ACYP2: variants seen among roughly 807,000 people sequenced by gnomAD.
The protein encoded by ACYP2 is acylphosphatase-2.
A neutral mutation model predicts 11.2 loss-of-function variants in ACYP2; 12 were observed. The ratio of observed to expected loss-of-function variants is 1.08; its 90% CI spans 0.69 to 1.74. The LOEUF is 1.74. Ranked by LOEUF, ACYP2 falls within the 40% of genes most tolerant of loss-of-function variation. The pLI, the probability that ACYP2 is intolerant of heterozygous loss-of-function variation, is 0.00. For synonymous variants in ACYP2, 43 were observed against 32.2 expected (o/e 1.33, Z -1.13); for missense variants, 134 against 101.9 (o/e 1.31, Z -1.35).
At chr2:54,000,506 GT>G (rs1236080259) in intron 2 of ACYP2, among the ~76,000 whole-genome samples, 1 of 152,188 alleles carries the variant, frequency 6.6e-6, no homozygotes, top group Non-Finnish European at 1.5e-5. Context: ...AGAAAAACCT[GT>G]GTCAGTCAGG....
intron 6 of ACYP2, among the ~76,000 whole-genome samples, chr2:54,295,480 T>C (rs1468925363): frequency 6.6e-6 from 1 of 152,186 alleles, no homozygotes; most frequent in South Asian, 2.1e-4. Context: ...AAAAGTAGCA[T>C]TCAGGGTTCC....
intron 6 of ACYP2, chr2:54,254,766 A>T (rs1687411144): frequency 1.4e-6 from 1 of 710,094 alleles, no homozygotes; most frequent in African/African-American, 1.8e-5. Flanking sequence ...CCAAGGTCTC[A>T]ATCTTCAGGT....
At chr2:54,090,718 C>T (rs775797661) in intron 4 of ACYP2, among the ~76,000 whole-genome samples, 8 of 152,100 alleles carry the variant, frequency 5.3e-5, no homozygotes, top group Non-Finnish European at 1.0e-4. Flanking sequence ...TACGCCTGGA[C>T]CGCTCTTCCT....
At chr2:54,031,527 G>C (rs1186108040) in intron 2 of ACYP2, among the ~76,000 whole-genome samples, 2 of 152,098 alleles carry the variant, frequency 1.3e-5, no homozygotes, top group Admixed American at 6.5e-5. Context: ...GTCTATCATT[G>C]ATGGACATTT....
Position 54,264,295 on chromosome 2 carries a change from A to T in ACYP2, c.405-40393A>T, listed in dbSNP as rs1687918049. 2.6e-5 allele frequency among the ~76,000 whole-genome samples: 4 copies of T among 152,172 alleles called. No homozygotes were observed. The South Asian group carries it at 8.3e-4, about 32-fold the overall frequency. On this transcript the variant is annotated intron_variant, in intron 6 of 6. Coordinates refer to ENST00000607452, the MANE Select transcript of ACYP2 (RefSeq NM_001320586.2). ...TGTGTTGTGAAGAGTGAAAGAACAA[A>T]GCTTCCACAGCGTGGAAGGCGACCC...
At chr2:54,079,199 G>T (rs570764641) in intron 4 of ACYP2, among the ~76,000 whole-genome samples, 1 of 152,102 alleles carries the variant, frequency 6.6e-6, no homozygotes, top group African/African-American at 2.4e-5. Flanking sequence ...GAATATCTAA[G>T]GTGTGCTCAT....
At position 54,275,809 on chromosome 2, in the gene ACYP2, G is replaced by C. The variant is rs1040602572; in HGVS notation, c.405-28879G>C. On this transcript the variant is annotated intron_variant, in intron 6 of 6. Coordinates refer to ENST00000607452, the MANE Select transcript of ACYP2 (RefSeq NM_001320586.2). The stretch of plus-strand genomic sequence containing the variant: ...TATAATGAACATCCAAGCCCTGCTT[G>C]ATTTGCCTAATGGACTATTTGATAA... 5.3e-5 allele frequency among the ~76,000 whole-genome samples: 8 copies of C among 152,142 alleles called. 1 individual carries two copies. The highest frequency in any genetic ancestry group is 5.2e-4 in the Admixed American group (8 of 15,270).
chr2:54,150,942 T>C (rs1325021705), intron 6 of ACYP2, among the ~76,000 whole-genome samples: 1 of 151,318 alleles, frequency 6.6e-6, no homozygotes, highest in Non-Finnish European at 1.5e-5. Flanking sequence ...GGGGTTTCAC[T>C]GTTTTAGCCA....
intron 4 of ACYP2, among the ~76,000 whole-genome samples, chr2:54,103,418 G>A (rs1679003819): frequency 3.3e-5 from 5 of 152,032 alleles, no homozygotes. Flanking sequence ...CTTAACCTTG[G>A]TCTTAATTCC....
At chr2:54,073,505 A>G (rs1272182349) in intron 4 of ACYP2, among the ~76,000 whole-genome samples, 4 of 152,258 alleles carry the variant, frequency 2.6e-5, no homozygotes, top group Non-Finnish European at 5.9e-5. Flanking sequence ...CAAAAACACA[A>G]GCAACAAAAG....
At chr2:54,151,629 A>T (rs1478593712) in intron 6 of ACYP2, among the ~76,000 whole-genome samples, 1 of 152,224 alleles carries the variant, frequency 6.6e-6, no homozygotes, top group Non-Finnish European at 1.5e-5. Flanking sequence ...GAAAACTAGG[A>T]ACATGAAAAA....
intron 6 of ACYP2, among the ~76,000 whole-genome samples, chr2:54,190,086 T>C (rs1446893096): frequency 6.6e-6 from 1 of 152,226 alleles, no homozygotes; most frequent in Non-Finnish European, 1.5e-5. Flanking sequence ...TTGTATGAGT[T>C]CTTTATAAAT....
intron 6 of ACYP2, among the ~76,000 whole-genome samples, chr2:54,262,169 G>T (rs2104046826): frequency 6.6e-6 from 1 of 152,326 alleles, no homozygotes. Context: ...TCAGCCAGGG[G>T]TGAGCAGAGC....
At chr2:54,141,974 C>A in intron 6 of ACYP2, 4 of 525,090 alleles carry the variant, frequency 7.6e-6, no homozygotes, top group African/African-American at 5.8e-5. Flanking sequence ...AGTGCACATG[C>A]TGGCTAATTT....
chr2:54,120,917 C>G (rs1033019718), intron 4 of ACYP2, among the ~76,000 whole-genome samples: 2 of 152,210 alleles, frequency 1.3e-5, no homozygotes, highest in East Asian at 3.9e-4. Context: ...AAGTGTTACA[C>G]TGTCGTTCAT....
intron 6 of ACYP2, among the ~76,000 whole-genome samples, chr2:54,147,621 C>T (rs1205216937): frequency 6.6e-6 from 1 of 152,094 alleles, no homozygotes; most frequent in East Asian, 1.9e-4. Context: ...ATCTCCTGGG[C>T]TCAAGTGATC....
intron 2 of ACYP2, among the ~76,000 whole-genome samples, chr2:54,015,324 C>G (rs1466358175): frequency 2.2e-5 from 1 of 44,962 alleles, no homozygotes; most frequent in Non-Finnish European, 4.8e-5. Flanking sequence ...CCAGCCTGAT[C>G]ATGGAGAAAC....
intron 2 of ACYP2, among the ~76,000 whole-genome samples, chr2:54,013,965 C>T (rs1266960122): frequency 6.6e-6 from 1 of 152,030 alleles, no homozygotes; most frequent in Non-Finnish European, 1.5e-5. Flanking sequence ...CGAGACCAGC[C>T]TGGCCAACGT....
At chr2:54,003,504 C>T (rs1672904931) in intron 2 of ACYP2, among the ~76,000 whole-genome samples, 1 of 152,108 alleles carries the variant, frequency 6.6e-6, no homozygotes. Flanking sequence ...CAGTGATCCG[C>T]CCACCTCGGC....
Sources: allele counts gnomAD v4.1 joint callset (sites outside exome capture counted in the v4.1 genomes callset), GRCh38; gene constraint gnomAD v4.1.1; transcripts MANE v1.5; gene names NCBI Gene and HGNC (gene_info 2026-07-23, HGNC 2026-07-21).